Variants in P2RX1 observed in about 807,000 individuals in gnomAD.
The protein encoded by P2RX1 is P2X purinoceptor 1.
Under a neutral mutation model 50.3 loss-of-function variants are expected in P2RX1, and 42 were observed. That is an observed-to-expected ratio of 0.83 (90% CI 0.65 to 1.08). The LOEUF (loss-of-function observed/expected upper bound fraction) is 1.08. P2RX1 is among the 50% of genes least tolerant of loss of function. The pLI, the probability that P2RX1 is intolerant of heterozygous loss-of-function variation, is 0.00. For missense variants in P2RX1, 449 were observed against 529.0 expected (o/e 0.85, Z 1.48); for synonymous variants, 199 against 202.6 (o/e 0.98, Z 0.15).
At chr17:3,900,739 C>T (rs949850396) in intron 7 of P2RX1, among the ~76,000 whole-genome samples, 2 of 152,228 alleles carry the variant, frequency 1.3e-5, no homozygotes, top group Non-Finnish European at 2.9e-5. Flanking sequence ...ATGTATTAAC[C>T]CATCTCCTCC....
At chr17:3,915,085 G>T (rs2056426327) in intron 1 of P2RX1, among the ~76,000 whole-genome samples, 1 of 152,100 alleles carries the variant, frequency 6.6e-6, no homozygotes, top group African/African-American at 2.4e-5. Flanking sequence ...AAATGGGGAG[G>T]GTAGAGCTCT....
chr17:3,909,728 C>T (rs548757303), intron 1 of P2RX1, among the ~76,000 whole-genome samples: 3 of 152,204 alleles, frequency 2.0e-5, no homozygotes, highest in South Asian at 2.1e-4. Flanking sequence ...CCTATTCATG[C>T]GCCAAACACT....
chr17:3,902,300 ATT>A (rs112467438), intron 7 of P2RX1, among the ~76,000 whole-genome samples: 3 of 138,272 alleles, frequency 2.2e-5, no homozygotes, highest in Non-Finnish European at 1.6e-5. Flanking sequence ...TAATTTTTGT[ATT>A]TTTTTTTTTT....
At chr17:3,899,851 A>C in intron 7 of P2RX1, 90 bp from the exon 8 acceptor site, 2 of 1,529,748 alleles carry the variant, frequency 1.3e-6, no homozygotes, top group Non-Finnish European at 1.8e-6. Context: ...CTGTAATCCC[A>C]GCACTTTGGG....
intron 1 of P2RX1, among the ~76,000 whole-genome samples, chr17:3,909,970 C>CTTTTT (rs751349796): frequency 1.8e-4 from 19 of 107,418 alleles, no homozygotes; most frequent in Non-Finnish European, 2.4e-4. Context: ...CTGATAAATT[C>CTTTTT]TTTTTTTTTT....
At chr17:3,909,027 T>A (rs991595539) in intron 1 of P2RX1, among the ~76,000 whole-genome samples, 3 of 151,960 alleles carry the variant, frequency 2.0e-5, no homozygotes, top group African/African-American at 7.3e-5. Context: ...TGGGGGAAGC[T>A]TCTATGAGTT....
At position 3,901,353 on chromosome 17, in the gene P2RX1, C is replaced by T. The variant is rs562403035; in HGVS notation, c.748-1592G>A. 7.9e-5 allele frequency among the ~76,000 whole-genome samples: 12 copies of T among 152,334 alleles called. No individual in the cohort carries two copies. In the South Asian group the frequency reaches 2.5e-3, roughly 32 times the overall value. Reference sequence around the variant, plus strand: ...AAGTGCTGGGATTACAGGCGTGAGCCACCGCACCCAGCCCTGATGACAGGG... The same window carrying T: ...AAGTGCTGGGATTACAGGCGTGAGCTACCGCACCCAGCCCTGATGACAGGG... On this transcript the variant is annotated intron_variant, in intron 7 of 11. Transcript: ENST00000225538.
chr17:3,913,635 G>A (rs543395557), intron 1 of P2RX1, among the ~76,000 whole-genome samples: 13 of 152,078 alleles, frequency 8.5e-5, no homozygotes, highest in East Asian at 1.9e-4. Flanking sequence ...TCTGAGTCTC[G>A]GGACCTCCCA....
rs771304901 is a variant in P2RX1, at chr17:3,903,597, G to A, written c.559C>T (p.Leu187Phe). The part of the protein sequence containing the change: ...ALLREAENFT[L>F]FIKNSISFPR... ...AAGCTGATGCTGTTCTTGATGAAAAGAGTGAAGTTCTCGGCCTCTCGGAGA... is the reference window on the plus strand; with the variant it reads ...AAGCTGATGCTGTTCTTGATGAAAAAAGTGAAGTTCTCGGCCTCTCGGAGA... The change falls in exon 6 of 12, where the codon CTT becomes TTT. Residue 187 changes from leucine (L) to phenylalanine (F), a missense_variant. Leu to Phe is a conservative substitution (Grantham distance 22, BLOSUM62 0). Coordinates refer to ENST00000225538, the MANE Select transcript of P2RX1 (RefSeq NM_002558.4). The surrounding 1 kb of genome is among the most constrained non-coding windows in gnomAD (Gnocchi z 4.6). The A allele has an allele frequency of 1.9e-6, 3 of 1,614,208 alleles. No homozygotes were observed. Among genetic ancestry groups the A allele is most frequent in the Non-Finnish European group, 2.5e-6 (3 of 1,180,040 alleles).
chr17:3,916,082 G>T lies in P2RX1; in HGVS notation c.137+7C>A. On this transcript the variant is annotated splice_region_variant and intron_variant, in intron 1 of 11. Coordinates refer to ENST00000225538, the MANE Select transcript of P2RX1 (RefSeq NM_002558.4). ...TGGTGCAGGCAGCGGGAGGCGCCCG[G>T]ACTCACCCGATGACGTAGACCAGGA... is the stretch of plus-strand genomic sequence containing the variant. The T allele has an allele frequency of 6.2e-7, 1 of 1,613,248 alleles. No individual in the cohort carries two copies. The highest frequency in any genetic ancestry group is 8.5e-7 in the Non-Finnish European group (1 of 1,179,914).
Position 3,914,358 on chromosome 17 carries a change from T to C in P2RX1, c.137+1731A>G, listed in dbSNP as rs1442113653. On this transcript the variant is annotated intron_variant, in intron 1 of 11. Transcript: ENST00000225538. The surrounding 1 kb of genome is among the most constrained non-coding windows in gnomAD (Gnocchi z 4.1). ...GGGAAGACAGGCAGGAGGACGGTAG[T>C]GAGGTCCCCGTCACTGGAGGTATAG... Among the ~76,000 whole-genome samples the C allele has an allele frequency of 6.6e-6, 1 of 151,192 alleles. No homozygotes were observed. The highest frequency in any genetic ancestry group is 2.0e-4 in the East Asian group (1 of 5,108).
At position 3,899,744 on chromosome 17, in the gene P2RX1, G is replaced by A; in HGVS notation, c.765C>T (p.Ile255=). Residue 255 remains isoleucine (I), a synonymous_variant, in exon 8 of 12, where the codon ATC becomes ATT. Coordinates refer to ENST00000225538, the MANE Select transcript of P2RX1 (RefSeq NM_002558.4). Reference sequence around the variant, plus strand: ...CCAGGTCACAGTGCCAGTCGATGGTGATGCCAACCACTCCACCCTGCCAGG... The same window carrying A: ...CCAGGTCACAGTGCCAGTCGATGGTAATGCCAACCACTCCACCCTGCCAGG... ...TLAEKGGVVG[I]TIDWHCDLDW... The A allele has an allele frequency of 6.2e-7, 1 of 1,613,830 alleles. No individual in the cohort carries two copies. The highest frequency in any genetic ancestry group is 1.3e-5 in the African/African-American group (1 of 75,042).
At chr17:3,909,018 G>A (rs1356896221) in intron 1 of P2RX1, among the ~76,000 whole-genome samples, 1 of 152,062 alleles carries the variant, frequency 6.6e-6, no homozygotes, top group Non-Finnish European at 1.5e-5. Context: ...GTAAGTGTTT[G>A]GGGGAAGCTT....
intron 2 of P2RX1, 135 bp downstream of exon 2, chr17:3,905,085 C>G (rs2056237112): frequency 7.8e-7 from 1 of 1,287,452 alleles, no homozygotes; most frequent in Admixed American, 2.0e-5. Flanking sequence ...TATCACCAGG[C>G]TGCTTCTGCC....
chr17:3,914,681 G>A lies in P2RX1; in HGVS notation c.137+1408C>T, dbSNP rs1238218203. On this transcript the variant is annotated intron_variant, in intron 1 of 11. Transcript: ENST00000225538. The surrounding 1 kb of genome is among the most constrained non-coding windows in gnomAD (Gnocchi z 4.1). The stretch of plus-strand genomic sequence containing the variant: ...GGCATCCCACCATCAGTGCCCAGTA[G>A]AAAGGATCCACAGCCCCTTGTGATG... Among the ~76,000 whole-genome samples the A allele has an allele frequency of 6.6e-6, 1 of 152,134 alleles. No individual in the cohort carries two copies. The highest frequency in any genetic ancestry group is 1.9e-4 in the East Asian group (1 of 5,184).
At position 3,904,819 on chromosome 17, in the gene P2RX1, G is replaced by T. The variant is rs73971714; in HGVS notation, c.357+39C>A. The T allele has an allele frequency of 6.6e-3, 9,794 of 1,494,174 alleles. 528 individuals carry two copies. In the African/African-American group the frequency reaches 0.12, roughly 18 times the overall value. 92.6% of individuals were successfully genotyped at this position (1,494,174 alleles called of 1,614,324 possible). ...CTTTCTCTGCACGTCATTTTCCCCTGTGAGTCCCAGAAGGGGGCTGGCGGG... is the reference window on the plus strand; with the variant it reads ...CTTTCTCTGCACGTCATTTTCCCCTTTGAGTCCCAGAAGGGGGCTGGCGGG... On this transcript the variant is annotated intron_variant, in intron 3 of 11. Coordinates refer to ENST00000225538, the MANE Select transcript of P2RX1 (RefSeq NM_002558.4).
chr17:3,915,855 G>A (rs1173416797), intron 1 of P2RX1: 2 of 667,628 alleles, frequency 3.0e-6, no homozygotes, highest in Non-Finnish European at 5.5e-6. Flanking sequence ...AGAACCCAGA[G>A]ACTCTGCCTC....
At chr17:3,915,149 G>A (rs938628) in intron 1 of P2RX1, among the ~76,000 whole-genome samples, 102,513 of 152,064 alleles carry the variant, frequency 0.67, 34,929 homozygotes, top group East Asian at 0.94. Flanking sequence ...TAGGACCCCA[G>A]CAGGGGCTGA....
At position 3,905,378 on chromosome 17, in the gene P2RX1, G is replaced by A. The variant is rs376671431; in HGVS notation, c.138-11C>T. On this transcript the variant is annotated splice_polypyrimidine_tract_variant and intron_variant, in intron 1 of 11. Transcript: ENST00000225538. ...TAGAGAAACACCCACCTGTGCGGGT[G>A]GGGACAGAGGGGGAGTTGTGGTTGT... The A allele has an allele frequency of 6.2e-7, 1 of 1,613,016 alleles. No individual in the cohort carries two copies. The highest frequency in any genetic ancestry group is 8.5e-7 in the Non-Finnish European group (1 of 1,179,904).
Sources: gnomAD v4.1 joint callset for allele counts (sites outside exome capture counted in the v4.1 genomes callset) on GRCh38, gnomAD v4.1.1 for gene constraint, Gnocchi (gnomAD v3.1) non-coding constraint, MANE v1.5 for transcripts, NCBI Gene and HGNC (gene_info 2026-07-23, HGNC 2026-07-21) for gene names.